The following BIRC2 variants were observed in gnomAD, a reference collection of about 807,000 sequenced individuals.
BIRC2 encodes the protein baculoviral IAP repeat-containing protein 2.
Under a neutral mutation model 60.9 loss-of-function variants are expected in BIRC2, and 18 were observed. The ratio of observed to expected loss-of-function variants is 0.30; its 90% CI spans 0.20 to 0.44. The LOEUF (loss-of-function observed/expected upper bound fraction) is 0.44, where lower values mean the gene tolerates loss of function less well. BIRC2 is among the 20% of genes least tolerant of loss of function. BIRC2 has a pLI of 1.00. For synonymous variants in BIRC2, 282 were observed against 247.7 expected (o/e 1.14, Z -1.30); for missense variants, 701 against 728.5 (o/e 0.96, Z 0.43).
chr11:102,355,003 A>T, intron 3 of BIRC2, among the ~76,000 whole-genome samples: 1 of 123,246 alleles, frequency 8.1e-6, no homozygotes, highest in African/African-American at 3.2e-5. Flanking sequence ...TATTTTAGAT[A>T]TTAACTCCTT....
In BIRC2 at chr11:102,349,305, T is replaced by C. The variant is rs35522004; in HGVS notation, c.-550T>C. The C allele has an allele frequency of 6.6e-6, 1 of 152,488 alleles. No individual in the cohort carries two copies. The highest frequency in any genetic ancestry group is 1.5e-5 in the Non-Finnish European group (1 of 68,260). 9.4% of individuals were successfully genotyped at this position (152,488 alleles called of 1,614,324 possible). A position where few individuals can be genotyped will look rare whatever the true frequency, so the allele number is the denominator to read the frequency against. ...TTAGCTTTTAAATAGTGTGACCATA[T>C]GAAGGTTTTAATTACTTTTGTTTAT... On this transcript the variant is annotated 5_prime_UTR_variant, in exon 2 of 9. The change abolishes an upstream ATG in the 5' untranslated region. Coordinates refer to ENST00000227758, the MANE Select transcript of BIRC2 (RefSeq NM_001166.5).
chr11:102,373,280 T>A (rs1336157196), intron 6 of BIRC2, among the ~76,000 whole-genome samples: 3 of 152,242 alleles, frequency 2.0e-5, no homozygotes, highest in African/African-American at 2.4e-5. Flanking sequence ...CTTTACATTT[T>A]GGCATGATTT....
At chr11:102,374,450 G>C (rs1331958705) in intron 6 of BIRC2, among the ~76,000 whole-genome samples, 21 of 148,982 alleles carry the variant, frequency 1.4e-4, no homozygotes, top group Non-Finnish European at 1.3e-4. Context: ...GTGTGCCCCT[G>C]CTGGGGGGTG....
chr11:102,370,008 G>T (rs1484405946), intron 6 of BIRC2, among the ~76,000 whole-genome samples: 2 of 152,192 alleles, frequency 1.3e-5, no homozygotes, highest in East Asian at 3.9e-4. Flanking sequence ...TTTTTGATGG[G>T]GTTGTTTGTT....
At chr11:102,351,326 A>T (rs1392513750) in intron 3 of BIRC2, among the ~76,000 whole-genome samples, 2 of 152,212 alleles carry the variant, frequency 1.3e-5, no homozygotes, top group African/African-American at 4.8e-5. Context: ...TATTAAGAGC[A>T]TATCTTAGAT....
Position 102,350,335 on chromosome 11 carries a change from C to T in BIRC2, c.481C>T (p.Leu161Phe), listed in dbSNP as rs202103808. The T allele has an allele frequency of 1.2e-5, 20 of 1,614,122 alleles. No homozygotes were observed. Among genetic ancestry groups the T allele is most frequent in the Non-Finnish European group, 1.6e-5 (19 of 1,180,050 alleles). The change falls in exon 2 of 9, where the codon CTT (leucine) becomes TTT (phenylalanine). Residue 161 changes from leucine (L) to phenylalanine (F), a missense_variant. This residue lies in a region of BIRC2 where 375 missense variants were observed against 365.9 expected (regional missense o/e 1.02). Transcript: ENST00000227758. Reference sequence around the variant, plus strand: ...TTACTCCAGCCTTTCTCCAAACCCTCTTAATTCTAGAGCAGTTGAAGACAT... The same window carrying T: ...TTACTCCAGCCTTTCTCCAAACCCTTTTAATTCTAGAGCAGTTGAAGACAT... ...GSYSSLSPNPLNSRAVEDISS... is the reference protein window; with the variant it reads ...GSYSSLSPNPFNSRAVEDISS...
Position 102,350,742 on chromosome 11 carries a change from T to C in BIRC2, c.888T>C (p.Tyr296=), listed in dbSNP as rs1013417344. ...QPEQLASAGF[Y]YVGRNDDVKC... ...AGCAGCTTGCAAGTGCTGGTTTTTA[T>C]TATGTGGGTAAGAAGCAAATAACTA... is the stretch of plus-strand genomic sequence containing the variant. Residue 296 remains tyrosine, a synonymous_variant, in exon 2 of 9, where the codon TAT becomes TAC. Coordinates refer to ENST00000227758, the MANE Select transcript of BIRC2 (RefSeq NM_001166.5). The C allele has an allele frequency of 6.2e-7, 1 of 1,605,162 alleles. No individual in the cohort carries two copies. The highest frequency in any genetic ancestry group is 8.5e-7 in the Non-Finnish European group (1 of 1,175,824).
chr11:102,350,961 G>C lies in BIRC2; in HGVS notation c.995+18G>C, dbSNP rs1388952168. 1 of 1,608,076 alleles carries C rather than the reference G, an allele frequency of 6.2e-7. No individual in the cohort carries two copies. Among genetic ancestry groups the C allele is most frequent in the Non-Finnish European group, 8.5e-7 (1 of 1,176,690 alleles). On this transcript the variant is annotated intron_variant, in intron 3 of 8. Coordinates refer to ENST00000227758, the MANE Select transcript of BIRC2 (RefSeq NM_001166.5). ...TTTCCAAGGTAATTGTTTTGAAAAAGGTATTTGTACAAAAAACTCTGTGCT... is the reference window on the plus strand; with the variant it reads ...TTTCCAAGGTAATTGTTTTGAAAAACGTATTTGTACAAAAAACTCTGTGCT...
rs987817827 is a variant in BIRC2 at position 102,349,211 on chromosome 11, C to T, written c.-644C>T. On this transcript the variant is annotated 5_prime_UTR_variant, in exon 2 of 9. Coordinates refer to ENST00000227758, the MANE Select transcript of BIRC2 (RefSeq NM_001166.5). ...AACAAAGCTTGTGGGTATTGACTTCCCCCAAAAGTTGTCAGCTGAAGTAAT... is the reference window on the plus strand; with the variant it reads ...AACAAAGCTTGTGGGTATTGACTTCTCCCAAAAGTTGTCAGCTGAAGTAAT... 2.9e-5 allele frequency: 4 copies of T among 136,542 alleles called. No individual in the cohort carries two copies. Among genetic ancestry groups the T allele is most frequent in the Admixed American group, 7.1e-5 (1 of 14,064 alleles). The allele number at this position is 136,542 out of a possible 1,614,324, so 8.5% of individuals were successfully genotyped here. A position where few individuals can be genotyped will look rare whatever the true frequency, so the allele number is the denominator to read the frequency against.
Position 102,349,904 on chromosome 11 carries a change from A to C in BIRC2, c.50A>C (p.Asn17Thr), listed in dbSNP as rs933401635. The C allele has an allele frequency of 4.3e-6, 7 of 1,613,654 alleles. No individual in the cohort carries two copies. Among genetic ancestry groups the C allele is most frequent in the Non-Finnish European group, 5.9e-6 (7 of 1,179,810 alleles). Reference sequence around the variant, plus strand: ...CTTTTCCCAGGTCCCTCGTATCAAAACATTAAGAGTATAATGGAAGATAGC... The same window carrying C: ...CTTTTCCCAGGTCCCTCGTATCAAACCATTAAGAGTATAATGGAAGATAGC... ...QRLFPGPSYQ[N>T]IKSIMEDSTI... The change falls in exon 2 of 9, where the codon AAC (asparagine) becomes ACC (threonine). Residue 17 changes from asparagine to threonine, a missense_variant. Coordinates refer to ENST00000227758, the MANE Select transcript of BIRC2 (RefSeq NM_001166.5).
intron 6 of BIRC2, among the ~76,000 whole-genome samples, chr11:102,371,927 T>C (rs1189917410): frequency 6.6e-6 from 1 of 152,180 alleles, no homozygotes; most frequent in Non-Finnish European, 1.5e-5. Flanking sequence ...TTTATCCATT[T>C]CTTCTAGATT....
rs1185004509 is a variant in BIRC2, at chr11:102,362,983, AT to A, written c.1074+14del. ...CTCATCTTCTTGAACAGGTAAATAC[AT>A]TTTTAAAATTAACAACATTGAATTC... On this transcript the variant is annotated intron_variant, in intron 4 of 8. Coordinates refer to ENST00000227758, the MANE Select transcript of BIRC2 (RefSeq NM_001166.5). 4 of 1,572,816 alleles carry A rather than the reference AT, an allele frequency of 2.5e-6. No individual in the cohort carries two copies. The highest frequency in any genetic ancestry group is 3.5e-6 in the Non-Finnish European group (4 of 1,145,212).
At position 102,378,511 on chromosome 11, in the gene BIRC2, T is replaced by C. The variant is rs1233526831; in HGVS notation, c.*328T>C. ...TCAGAAAGCTTTGAATACTAAATTATAGTGTAGAAAAGAACTGGAAACCAG... is the reference window on the plus strand; with the variant it reads ...TCAGAAAGCTTTGAATACTAAATTACAGTGTAGAAAAGAACTGGAAACCAG... On this transcript the variant is annotated 3_prime_UTR_variant, in exon 9 of 9. Coordinates refer to ENST00000227758, the MANE Select transcript of BIRC2 (RefSeq NM_001166.5). 22 of 169,432 alleles carry C rather than the reference T, an allele frequency of 1.3e-4. No homozygotes were observed. The highest frequency in any genetic ancestry group is 4.7e-4 in the African/African-American group (20 of 42,306). 10.5% of individuals were successfully genotyped at this position (169,432 alleles called of 1,614,324 possible).
At chr11:102,359,664 T>C (rs1951463817) in intron 3 of BIRC2, among the ~76,000 whole-genome samples, 1 of 152,220 alleles carries the variant, frequency 6.6e-6, no homozygotes. Context: ...ATCATCCAAC[T>C]CTCTCCTGGC....
intron 3 of BIRC2, among the ~76,000 whole-genome samples, chr11:102,356,222 A>G (rs112276332): frequency 0.063 from 9,143 of 144,938 alleles, 334 homozygotes; most frequent in Non-Finnish European, 0.08. Context: ...TTGAGATGGA[A>G]TTTTGCTCTG....
chr11:102,358,246 C>T (rs561177564), intron 3 of BIRC2, among the ~76,000 whole-genome samples: 4 of 152,104 alleles, frequency 2.6e-5, no homozygotes, highest in Admixed American at 1.3e-4. Flanking sequence ...GGTTGAGTAT[C>T]CCCAATCCAA....
intron 6 of BIRC2, among the ~76,000 whole-genome samples, chr11:102,373,357 G>C (rs961777136): frequency 2.6e-5 from 4 of 152,116 alleles, no homozygotes; most frequent in African/African-American, 9.7e-5. Context: ...TTTTAGGGCA[G>C]GCCTGGTGGT....
chr11:102,373,734 G>A (rs1164507240), intron 6 of BIRC2, among the ~76,000 whole-genome samples: 1 of 151,156 alleles, frequency 6.6e-6, no homozygotes, highest in Non-Finnish European at 1.5e-5. Context: ...GATTGGGGAA[G>A]TTCTCCTGGA....
At position 102,348,821 on chromosome 11, in the gene BIRC2, A is replaced by T. The variant is rs1408039671; in HGVS notation, c.-1034A>T. The stretch of plus-strand genomic sequence containing the variant: ...TAAGCAGTACTTTTTTGGTAGTACA[A>T]TATTTTGTTAGGCGTTTCTGATAAC... On this transcript the variant is annotated 5_prime_UTR_variant, in exon 2 of 9. Transcript: ENST00000227758. 3.9e-6 allele frequency: 1 copy of T among 255,590 alleles called. No individual in the cohort carries two copies. The highest frequency in any genetic ancestry group is 7.7e-6 in the Non-Finnish European group (1 of 129,748). The allele number at this position is 255,590 out of a possible 1,614,324, so 15.8% of individuals were successfully genotyped here. A position where few individuals can be genotyped will look rare whatever the true frequency, so the allele number is the denominator to read the frequency against.
Sources: allele counts gnomAD v4.1 joint callset (sites outside exome capture counted in the v4.1 genomes callset), GRCh38; gene constraint gnomAD v4.1.1; regional missense constraint gnomAD v4.1.1; transcripts MANE v1.5; gene names NCBI Gene and HGNC (gene_info 2026-07-23, HGNC 2026-07-21).